Variants in ABL1 observed in about 807,000 individuals in gnomAD.
ABL1 encodes ABL proto-oncogene 1, non-receptor tyrosine kinase.
A neutral mutation model predicts 94.7 loss-of-function variants in ABL1; 11 were observed. That is an observed-to-expected ratio of 0.12 (90% CI 0.07 to 0.19). The LOEUF is 0.19. ABL1 is among the 10% of genes least tolerant of loss of function. The pLI, the probability that ABL1 is intolerant of heterozygous loss-of-function variation, is 1.00. For synonymous variants in ABL1, 656 were observed against 622.4 expected, an observed-to-expected ratio of 1.05 and a Z score of -0.80; for missense variants, 1,082 against 1,489.4, an observed-to-expected ratio of 0.73 and a Z score of 4.50.
upstream of ABL1, among the ~76,000 whole-genome samples, chr9:130,830,930 C>T (rs1243747046): frequency 1.3e-5 from 2 of 152,060 alleles, no homozygotes; most frequent in African/African-American, 4.8e-5. Flanking sequence ...GTAGTGCTAC[C>T]CGATTGAAAA....
chr9:130,813,933 G>C (rs749425113), intron 1 of ABL1, among the ~76,000 whole-genome samples: 1 of 152,102 alleles, frequency 6.6e-6, no homozygotes, highest in South Asian at 2.1e-4. Flanking sequence ...ATGACCTTGG[G>C]GTCCCACTTT....
chr9:130,726,163 A>AT (rs930249123), intron 1 of ABL1, among the ~76,000 whole-genome samples: 6 of 149,360 alleles, frequency 4.0e-5, no homozygotes, highest in Admixed American at 6.7e-5. Flanking sequence ...ATATTTTAAT[A>AT]TTTTTTTTAA....
intron 1 of ABL1, among the ~76,000 whole-genome samples, chr9:130,780,574 T>G (rs1411329278): frequency 2.0e-5 from 3 of 152,186 alleles, no homozygotes; most frequent in Non-Finnish European, 4.4e-5. Context: ...CTAGGCGAAT[T>G]GTCCCCTTTC....
rs540832219 is a variant in ABL1 at position 130,713,514 on chromosome 9, G to A, written c.-806G>A. On this transcript the variant is annotated 5_prime_UTR_variant, in exon 1 of 11. Transcript: ENST00000372348. ...CAAGCCGCCCCTTATTCCGGATCCC[G>A]GCCCCAACTTTGGCCACGGAGCCTC... 7.3e-5 allele frequency among the ~76,000 whole-genome samples: 11 copies of A among 151,692 alleles called. 1 individual carries two copies. In the South Asian group the frequency reaches 2.3e-3, roughly 32 times the overall value.
chr9:130,825,341 C>T (rs1023351792), intron 1 of ABL1, among the ~76,000 whole-genome samples: 2 of 152,156 alleles, frequency 1.3e-5, no homozygotes, highest in African/African-American at 4.8e-5. Context: ...AACGTGATCT[C>T]CTAGGCCTGC....
intron 3 of ABL1, among the ~76,000 whole-genome samples, chr9:130,855,978 C>T (rs554178914): frequency 5.9e-5 from 9 of 152,026 alleles, no homozygotes; most frequent in East Asian, 1.9e-4. Flanking sequence ...TACAGTGGTG[C>T]GATCTTGGCT....
rs147801153 is a variant in ABL1 at position 130,762,637 on chromosome 9, C to T, written c.136+48182C>T. Among the ~76,000 whole-genome samples the T allele has an allele frequency of 5.3e-5, 8 of 152,196 alleles. No individual in the cohort carries two copies. The East Asian group carries it at 7.7e-4, about 15-fold the overall frequency. On this transcript the variant is annotated intron_variant, in intron 1 of 10. Transcript: ENST00000372348. The stretch of plus-strand genomic sequence containing the variant: ...TGAAAACCTGAATAATCTGGCTGGG[C>T]GTGGTGGCTCACACCTGTAATCCCA...
intron 1 of ABL1, among the ~76,000 whole-genome samples, chr9:130,719,229 C>T (rs927149619): frequency 2.0e-5 from 3 of 151,830 alleles, no homozygotes; most frequent in East Asian, 1.9e-4. Context: ...ACGAAAAATT[C>T]GAAGATTTAA....
In ABL1 at chr9:130,826,985, G is replaced by A. The variant is rs539828052; in HGVS notation, c.137-27079G>A. ...CCCAGCTACTCAGGAGGCTGAGGCA[G>A]GAGAATGGCGTGAACCCTGAAGGCG... On this transcript the variant is annotated intron_variant, in intron 1 of 10. Coordinates refer to the ABL1 transcript ENST00000372348. Among the ~76,000 whole-genome samples, 47 of 152,324 alleles carry A rather than the reference G, an allele frequency of 3.1e-4. No individual in the cohort carries two copies. In the South Asian group the frequency reaches 9.5e-3, roughly 31 times the overall value.
At chr9:130,804,538 C>T (rs1588245125) in intron 1 of ABL1, among the ~76,000 whole-genome samples, 2 of 152,242 alleles carry the variant, frequency 1.3e-5, no homozygotes, top group East Asian at 1.9e-4. Context: ...GAGCCAGGAT[C>T]GCGCCATTGC....
intron 1 of ABL1, among the ~76,000 whole-genome samples, chr9:130,790,510 G>A (rs1829895197): frequency 6.7e-6 from 1 of 149,612 alleles, no homozygotes; most frequent in African/African-American, 2.5e-5. Flanking sequence ...TAGAGACAGG[G>A]TTTCATTCTG....
chr9:130,754,674 T>A (rs1832019952), intron 1 of ABL1, among the ~76,000 whole-genome samples: 1 of 104,316 alleles, frequency 9.6e-6, no homozygotes, highest in African/African-American at 5.5e-5. Context: ...AATCAAGTAA[T>A]GGGGGGGGCT....
chr9:130,761,085 C>CT (rs1832108634), intron 1 of ABL1, among the ~76,000 whole-genome samples: 1 of 151,890 alleles, frequency 6.6e-6, no homozygotes, highest in South Asian at 2.1e-4. Context: ...GTAGCTGGGA[C>CT]TACAGGCGCC....
At chr9:130,771,230 ATG>A (rs368013778) in intron 1 of ABL1, among the ~76,000 whole-genome samples, 3 of 145,386 alleles carry the variant, frequency 2.1e-5, no homozygotes, top group East Asian at 2.0e-4. Context: ...GTATGTATGT[ATG>A]TGTGTGTGTG....
rs538581750 is a variant in ABL1, at chr9:130,741,701, G to A, written c.136+27246G>A. On this transcript the variant is annotated intron_variant, in intron 1 of 10. Transcript: ENST00000372348. ...ACACTGGTATACCAGTTACCATGCC[G>A]GAGTAACAGTTACCGCACTGGTATA... Among the ~76,000 whole-genome samples, 21 of 151,744 alleles carry A rather than the reference G, an allele frequency of 1.4e-4. No individual in the cohort carries two copies. The East Asian group carries it at 1.9e-3, about 14-fold the overall frequency.
chr9:130,764,457 T>C (rs768203844), intron 1 of ABL1, among the ~76,000 whole-genome samples: 26 of 152,236 alleles, frequency 1.7e-4, no homozygotes, highest in Non-Finnish European at 2.9e-4. Context: ...CTGTGCTTTG[T>C]GCTTCTTCTT....
At chr9:130,796,066 G>A (rs1008292579) in intron 1 of ABL1, among the ~76,000 whole-genome samples, 6 of 152,110 alleles carry the variant, frequency 3.9e-5, no homozygotes, top group Admixed American at 6.5e-5. Context: ...CCAGCTACTC[G>A]GGAGGCTGAG....
chr9:130,855,103 G>GTC lies in ABL1; in HGVS notation c.549+7_549+8insTC. ...CACTGCTTCTGATGGCAAGGTAGGG[G>GTC]ACCCTTGGCAGGGGGCGCTGATGGG... On this transcript the variant is annotated splice_region_variant and intron_variant, in intron 3 of 10. Transcript: ENST00000318560. The GTC allele has an allele frequency of 6.2e-7, 1 of 1,609,628 alleles. No individual in the cohort carries two copies. Among genetic ancestry groups the GTC allele is most frequent in the Non-Finnish European group, 8.5e-7 (1 of 1,176,714 alleles).
intron 4 of ABL1, among the ~76,000 whole-genome samples, chr9:130,868,517 T>C (rs1831195137): frequency 7.1e-6 from 1 of 140,320 alleles, no homozygotes; most frequent in South Asian, 2.1e-4. Context: ...CTTTTTTCTT[T>C]TTCTTTTTTT....
Sources: allele counts gnomAD v4.1 joint callset (sites outside exome capture counted in the v4.1 genomes callset), GRCh38; gene constraint gnomAD v4.1.1; transcripts MANE v1.5; gene names NCBI Gene and HGNC (gene_info 2026-07-23, HGNC 2026-07-21).